Variants in UBE4A observed in about 807,000 individuals in gnomAD.
The protein encoded by UBE4A is ubiquitin conjugation factor E4 A.
In UBE4A, 48 loss-of-function variants were observed where a neutral mutation model predicts 117.9. That is an observed-to-expected ratio of 0.41 (90% CI 0.32 to 0.52). The LOEUF (loss-of-function observed/expected upper bound fraction) is 0.52, where lower values mean the gene tolerates loss of function less well. Among genes scored for constraint, UBE4A ranks in the 20% least tolerant of loss-of-function variants. The pLI, the probability that UBE4A is intolerant of heterozygous loss-of-function variation, is 0.33. For synonymous variants in UBE4A, 407 were observed against 450.0 expected (o/e 0.90, Z 1.21); for missense variants, 1,067 against 1,296.3 (o/e 0.82, Z 2.72).
chr11:118,381,908 A>G (rs75193145), intron 12 of UBE4A, among the ~76,000 whole-genome samples: 1,787 of 152,314 alleles, frequency 0.012, 23 homozygotes, highest in African/African-American at 0.039. Context: ...ACTTAAGTCA[A>G]TGTTATTTCT....
chr11:118,376,458 T>C (rs944467196), intron 9 of UBE4A, 116 bp from the exon 10 acceptor site: 7 of 1,382,526 alleles, frequency 5.1e-6, no homozygotes, highest in Middle Eastern at 5.4e-4. Context: ...AGAACTAATA[T>C]GACAAGATAT....
chr11:118,363,799 G>A, intron 1 of UBE4A, among the ~76,000 whole-genome samples: 1 of 151,920 alleles, frequency 6.6e-6, no homozygotes, highest in East Asian at 1.9e-4. Flanking sequence ...TCGTGTTTTA[G>A]TAGAGATGGG....
At chr11:118,367,014 GCCAA>G (rs1318308943) in intron 2 of UBE4A, among the ~76,000 whole-genome samples, 1 of 152,162 alleles carries the variant, frequency 6.6e-6, no homozygotes, top group Non-Finnish European at 1.5e-5. Flanking sequence ...GACCAGCCTG[GCCAA>G]CATGGTGAAA....
At chr11:118,370,321 T>C (rs1469325059) in intron 4 of UBE4A, among the ~76,000 whole-genome samples, 3 of 152,100 alleles carry the variant, frequency 2.0e-5, no homozygotes, top group Non-Finnish European at 4.4e-5. Context: ...GTCTGTTTTG[T>C]GTTGCTATAA....
chr11:118,385,551 G>A (rs1322348597), intron 15 of UBE4A, among the ~76,000 whole-genome samples: 1 of 152,188 alleles, frequency 6.6e-6, no homozygotes, highest in Non-Finnish European at 1.5e-5. Flanking sequence ...AGCTCCTTCA[G>A]TGTATTATTT....
At chr11:118,359,986 C>A (rs1252782887) in intron 1 of UBE4A, among the ~76,000 whole-genome samples, 1 of 152,106 alleles carries the variant, frequency 6.6e-6, no homozygotes, top group East Asian at 1.9e-4. Flanking sequence ...GTGCCCCGGG[C>A]GGGTGGATCT....
At chr11:118,394,663 A>G (rs1948851979) in intron 19 of UBE4A, among the ~76,000 whole-genome samples, 1 of 151,706 alleles carries the variant, frequency 6.6e-6, no homozygotes, top group African/African-American at 2.4e-5. Flanking sequence ...AATCCCAGCT[A>G]TTTGGGAGGC....
chr11:118,393,974 G>A (rs1555129112), intron 19 of UBE4A, among the ~76,000 whole-genome samples: 1 of 152,136 alleles, frequency 6.6e-6, no homozygotes, highest in Non-Finnish European at 1.5e-5. Context: ...TGTATCAGCT[G>A]TGGTAACCAT....
Position 118,398,070 on chromosome 11 carries a change from T to G in UBE4A, c.*1630T>G, listed in dbSNP as rs540722573. The G allele has an allele frequency of 6.5e-6, 1 of 152,782 alleles. No individual in the cohort carries two copies. Among genetic ancestry groups the G allele is most frequent in the South Asian group, 2.1e-4 (1 of 4,824 alleles). 9.5% of individuals were successfully genotyped at this position (152,782 alleles called of 1,614,324 possible). ...TAGCTTCATTCAATATTTATCATCCTCCTTTCCCTCTCTGAGAATGAACTA... is the reference window on the plus strand; with the variant it reads ...TAGCTTCATTCAATATTTATCATCCGCCTTTCCCTCTCTGAGAATGAACTA... On this transcript the variant is annotated 3_prime_UTR_variant, in exon 20 of 20. Coordinates refer to ENST00000252108, the MANE Select transcript of UBE4A (RefSeq NM_001204077.2).
intron 16 of UBE4A, 65 bp from the exon 17 acceptor site, chr11:118,389,660 C>G: frequency 7.1e-7 from 1 of 1,400,676 alleles, no homozygotes; most frequent in African/African-American, 1.4e-5. Context: ...TCCAAATAAA[C>G]TATACCTAAT....
chr11:118,376,084 G>T (rs1355951745), intron 9 of UBE4A, among the ~76,000 whole-genome samples: 7 of 152,198 alleles, frequency 4.6e-5, no homozygotes, highest in African/African-American at 1.7e-4. Flanking sequence ...GCTAGGGCAA[G>T]GGGTAGATGG....
At chr11:118,376,504 A>G (rs1565533152) in intron 9 of UBE4A, 70 bp from the exon 10 acceptor site, 2 of 1,562,068 alleles carry the variant, frequency 1.3e-6, no homozygotes, top group East Asian at 2.2e-5. Context: ...CAGTATGGAA[A>G]TTGAATGAGT....
chr11:118,371,586 A>C lies in UBE4A; in HGVS notation c.481A>C (p.Asn161His). 1 of 1,614,052 alleles carries C rather than the reference A, an allele frequency of 6.2e-7. No individual in the cohort carries two copies. The highest frequency in any genetic ancestry group is 8.5e-7 in the Non-Finnish European group (1 of 1,180,020). ...LINMTSSTTL[N>H]LSADRDAGER... ...TAACATGACTTCTTCTACAACGCTA[A>C]ATCTCTCTGCTGATCGAGATGCAGG... Residue 161 changes from asparagine (N) to histidine (H), a missense_variant, in exon 5 of 20, where the codon AAT (asparagine) becomes CAT (histidine). Transcript: ENST00000252108.
rs1948891273 is a variant in UBE4A at position 118,398,041 on chromosome 11, A to T, written c.*1601A>T. The T allele has an allele frequency of 6.6e-6, 1 of 152,608 alleles. No individual in the cohort carries two copies. Among genetic ancestry groups the T allele is most frequent in the South Asian group, 2.1e-4 (1 of 4,828 alleles). The allele number at this position is 152,608 out of a possible 1,614,324, so 9.5% of individuals were successfully genotyped here. ...GTTGACAGGATTTGTTTATTTTCTAAAATTAGCTTCATTCAATATTTATCA... is the reference window on the plus strand; with the variant it reads ...GTTGACAGGATTTGTTTATTTTCTATAATTAGCTTCATTCAATATTTATCA... On this transcript the variant is annotated 3_prime_UTR_variant, in exon 20 of 20. Transcript: ENST00000252108.
rs143490501 is a variant in UBE4A, at chr11:118,368,595, G to A, written c.122-36G>A. On this transcript the variant is annotated intron_variant, in intron 2 of 19. Transcript: ENST00000252108. ...GTAGCATGCTTGGTTCTCTCTTAAA[G>A]GGGTGTAACATTTAACAGTATACAT... 0.017 allele frequency: 27,195 copies of A among 1,605,150 alleles called. 317 individuals are homozygous for A. Among genetic ancestry groups the A allele is most frequent in the Middle Eastern group, 0.077 (465 of 6,026 alleles).
chr11:118,396,300 T>G lies in UBE4A; in HGVS notation c.3075-14T>G. The G allele has an allele frequency of 6.2e-7, 1 of 1,605,738 alleles. No homozygotes were observed. The highest frequency in any genetic ancestry group is 8.5e-7 in the Non-Finnish European group (1 of 1,177,206). On this transcript the variant is annotated splice_polypyrimidine_tract_variant and intron_variant, in intron 19 of 19. Coordinates refer to ENST00000252108, the MANE Select transcript of UBE4A (RefSeq NM_001204077.2). Reference sequence around the variant, plus strand: ...ATGGAAATAACCCTATTTCCCTTTCTCTCTTTGTCCCAGTGACCAAACAGA... The same window carrying G: ...ATGGAAATAACCCTATTTCCCTTTCGCTCTTTGTCCCAGTGACCAAACAGA...
chr11:118,384,570 A>ATAAGCATAAACTCTTCCTCTTATGG, intron 13 of UBE4A, 65 bp from the exon 14 acceptor site: 3 of 1,444,802 alleles, frequency 2.1e-6, no homozygotes, highest in Non-Finnish European at 2.9e-6. Flanking sequence ...ATGGCTACAC[A>ATAAGCATAAACTCTTCCTCTTATGG]TAAGCATAAA....
intron 10 of UBE4A, among the ~76,000 whole-genome samples, chr11:118,378,061 C>A (rs1948669174): frequency 6.6e-6 from 1 of 152,044 alleles, no homozygotes; most frequent in Admixed American, 6.6e-5. Flanking sequence ...TCCTAGCTAA[C>A]ATGGTGAAAC....
At chr11:118,366,174 A>G (rs1948561340) in intron 2 of UBE4A, among the ~76,000 whole-genome samples, 3 of 152,142 alleles carry the variant, frequency 2.0e-5, no homozygotes, top group Non-Finnish European at 2.9e-5. Flanking sequence ...CAAGGGAAAA[A>G]CAAAATCAAT....
Sources: allele counts gnomAD v4.1 joint callset (sites outside exome capture counted in the v4.1 genomes callset), GRCh38; gene constraint gnomAD v4.1.1; transcripts MANE v1.5; gene names NCBI Gene and HGNC (gene_info 2026-07-23, HGNC 2026-07-21).